The following TBX21 variants were observed in gnomAD, a reference collection of about 807,000 sequenced individuals.
The protein encoded by TBX21 is T-box transcription factor TBX21.
A neutral mutation model predicts 52.2 loss-of-function variants in TBX21; 11 were observed. That is an observed-to-expected ratio of 0.21 (90% CI 0.13 to 0.35). The LOEUF (loss-of-function observed/expected upper bound fraction) is 0.35, where lower values mean the gene tolerates loss of function less well. Among genes scored for constraint, TBX21 ranks in the 10% least tolerant of loss-of-function variants. The pLI is 1.00. For synonymous variants in TBX21, 300 were observed against 316.1 expected (o/e 0.95, Z 0.54); for missense variants, 625 against 755.1 (o/e 0.83, Z 2.02).
chr17:47,736,054 AG>A (rs2032203755), intron 1 of TBX21, among the ~76,000 whole-genome samples: 1 of 152,186 alleles, frequency 6.6e-6, no homozygotes, highest in Admixed American at 6.5e-5. Flanking sequence ...GAGGCACTTG[AG>A]GGGATGATTC....
intron 3 of TBX21, among the ~76,000 whole-genome samples, chr17:47,743,645 G>A (rs1453902057): frequency 6.6e-6 from 1 of 152,116 alleles, no homozygotes; most frequent in Non-Finnish European, 1.5e-5. Context: ...ACTTTGGGAG[G>A]CCAAGGCGGG....
Position 47,742,072 on chromosome 17 carries a change from CTTTT to C in TBX21, c.492-527_492-524del, listed in dbSNP as rs34123804. On this transcript the variant is annotated intron_variant, in intron 1 of 5. Coordinates refer to ENST00000177694, the MANE Select transcript of TBX21 (RefSeq NM_013351.2). The surrounding 1 kb of genome is among the most constrained non-coding windows in gnomAD (Gnocchi z 4.4). Reference sequence around the variant, plus strand: ...AGTGATGATTTTTTAGTTTTTACTCCTTTTTTTTTTTTTTGAGATGGAGACTTGC... The same window carrying C: ...AGTGATGATTTTTTAGTTTTTACTCCTTTTTTTTTTGAGATGGAGACTTGC... Among the ~76,000 whole-genome samples the C allele has an allele frequency of 1.0e-3, 144 of 143,638 alleles. 1 individual carries two copies. Among genetic ancestry groups the C allele is most frequent in the Middle Eastern group, 7.3e-3 (2 of 274 alleles). The allele number at this position is 143,638 out of a possible 152,430, so 94.2% of individuals were successfully genotyped here.
Position 47,733,966 on chromosome 17 carries a change from CT to C in TBX21, c.491+23del. 1 of 1,612,486 alleles carries C rather than the reference CT, an allele frequency of 6.2e-7. No individual in the cohort carries two copies. Among genetic ancestry groups the C allele is most frequent in the Non-Finnish European group, 8.5e-7 (1 of 1,179,350 alleles). On this transcript the variant is annotated intron_variant, in intron 1 of 5. Transcript: ENST00000177694. The surrounding 1 kb of genome is among the most constrained non-coding windows in gnomAD (Gnocchi z 6.6). ...GGACGGTGAGTGCGGCGCGCCGGCC[CT>C]TGGGGCCTCTGTGCCCGCGCCGGAA...
Position 47,733,709 on chromosome 17 carries a change from C to T in TBX21, c.255C>T (p.Gly85=). 1 of 1,418,650 alleles carries T rather than the reference C, an allele frequency of 7.0e-7. No individual in the cohort carries two copies. Among genetic ancestry groups the T allele is most frequent in the Non-Finnish European group, 9.2e-7 (1 of 1,086,862 alleles). 87.9% of individuals were successfully genotyped at this position (1,418,650 alleles called of 1,614,324 possible). Residue 85 remains glycine (G), a synonymous_variant, in exon 1 of 6, where the codon GGC becomes GGT. Transcript: ENST00000177694. This position sits in a 1 kb window ranked among gnomAD's most constrained non-coding sequence, Gnocchi z 6.6. ...ACCCGCCGCGACCCCAGGCGGCCGG[C>T]TTCCCCGGCGCGGGCGAGTCCTTCC... ...YAYPPRPQAA[G]FPGAGESFPP...
In TBX21 at chr17:47,743,209, A is replaced by C; in HGVS notation, c.768+17A>C. ...GTGACCCAGGTAGGACCTGCTCTTCAAAAGGTAGCCTCGCCCTGCTCCCCA... is the reference window on the plus strand; with the variant it reads ...GTGACCCAGGTAGGACCTGCTCTTCCAAAGGTAGCCTCGCCCTGCTCCCCA... On this transcript the variant is annotated intron_variant, in intron 3 of 5. Coordinates refer to ENST00000177694, the MANE Select transcript of TBX21 (RefSeq NM_013351.2). The C allele has an allele frequency of 6.2e-7, 1 of 1,613,506 alleles. No homozygotes were observed. Among genetic ancestry groups the C allele is most frequent in the Non-Finnish European group, 8.5e-7 (1 of 1,179,688 alleles).
At chr17:47,736,768 T>C (rs752014371) in intron 1 of TBX21, among the ~76,000 whole-genome samples, 1 of 152,114 alleles carries the variant, frequency 6.6e-6, no homozygotes, top group Non-Finnish European at 1.5e-5. Flanking sequence ...CAGCTTCCTT[T>C]CCGTCTTCCT....
chr17:47,733,645 T>C lies in TBX21; in HGVS notation c.191T>C (p.Val64Ala). The C allele has an allele frequency of 6.9e-7, 1 of 1,448,430 alleles. No individual in the cohort carries two copies. Among genetic ancestry groups the C allele is most frequent in the Non-Finnish European group, 9.1e-7 (1 of 1,104,822 alleles). 89.7% of individuals were successfully genotyped at this position (1,448,430 alleles called of 1,614,324 possible). A position where few individuals can be genotyped will look rare whatever the true frequency, so the allele number is the denominator to read the frequency against. Residue 64 changes from valine (V) to alanine (A), a missense_variant, in exon 1 of 6, where the codon GTG (valine) becomes GCG (alanine). Coordinates refer to ENST00000177694, the MANE Select transcript of TBX21 (RefSeq NM_013351.2). The surrounding 1 kb of genome is among the most constrained non-coding windows in gnomAD (Gnocchi z 6.6). ...TCTCCCTACCCGGGGGGCGCCTTGG[T>C]GCCCGCCCCGCCGAGCCGCTTCCTT... is the stretch of plus-strand genomic sequence containing the variant. ...LGSPYPGGAL[V>A]PAPPSRFLGA...
intron 3 of TBX21, 142 bp downstream of exon 3, chr17:47,743,334 T>C (rs2032289093): frequency 5.9e-6 from 7 of 1,191,458 alleles, no homozygotes; most frequent in Non-Finnish European, 5.8e-6. Flanking sequence ...TTTTCTTCTG[T>C]CCTAAACGAA....
chr17:47,742,806 A>C lies in TBX21; in HGVS notation c.646+42A>C. On this transcript the variant is annotated intron_variant, in intron 2 of 5. Coordinates refer to ENST00000177694, the MANE Select transcript of TBX21 (RefSeq NM_013351.2). This position sits in a 1 kb window ranked among gnomAD's most constrained non-coding sequence, Gnocchi z 4.4. ...GAGCGGTGGGCTCTGTTTCGCTGGG[A>C]CTGGGCGCCCCCTGGTGGGCCCACC... 1 of 1,528,102 alleles carries C rather than the reference A, an allele frequency of 6.5e-7. No homozygotes were observed. The highest frequency in any genetic ancestry group is 8.8e-7 in the Non-Finnish European group (1 of 1,135,060). The allele number at this position is 1,528,102 out of a possible 1,614,324, so 94.7% of individuals were successfully genotyped here. A position where few individuals can be genotyped will look rare whatever the true frequency, so the allele number is the denominator to read the frequency against.
chr17:47,739,032 C>T (rs1352272107), intron 1 of TBX21, among the ~76,000 whole-genome samples: 1 of 151,570 alleles, frequency 6.6e-6, no homozygotes, highest in East Asian at 2.0e-4. Flanking sequence ...AGAGGTATGA[C>T]GACCCTGTGA....
intron 1 of TBX21, among the ~76,000 whole-genome samples, chr17:47,739,521 G>A (rs780887637): frequency 3.3e-5 from 5 of 152,208 alleles, no homozygotes; most frequent in African/African-American, 4.8e-5. Context: ...CACTTTGGGA[G>A]GTCGAGGCCA....
Position 47,742,982 on chromosome 17 carries a change from T to C in TBX21, c.647-89T>C, listed in dbSNP as rs1467445902. The C allele has an allele frequency of 6.4e-7, 1 of 1,567,116 alleles. No homozygotes were observed. Among genetic ancestry groups the C allele is most frequent in the Non-Finnish European group, 8.6e-7 (1 of 1,158,928 alleles). ...CTGCCTGGTCCTCCCCCTGTGTCCT[T>C]CCTTACGTCCCTCTCGGGACAGGCA... On this transcript the variant is annotated intron_variant, in intron 2 of 5. Coordinates refer to ENST00000177694, the MANE Select transcript of TBX21 (RefSeq NM_013351.2). This position sits in a 1 kb window ranked among gnomAD's most constrained non-coding sequence, Gnocchi z 4.4.
rs1210537426 is a variant in TBX21, at chr17:47,733,803, C to A, written c.349C>A (p.Leu117Ile). 2 of 1,582,878 alleles carry A rather than the reference C, an allele frequency of 1.3e-6. No homozygotes were observed. The highest frequency in any genetic ancestry group is 1.3e-5 in the African/African-American group (1 of 74,102). The change falls in exon 1 of 6, where the codon CTC becomes ATC. Residue 117 changes from leucine (L) to isoleucine (I), a missense_variant. Physicochemically the swap from Leu to Ile is conservative, Grantham distance 5 (BLOSUM62 2). This residue lies in a region of TBX21 where 221 missense variants were observed against 204.9 expected (regional missense o/e 1.08). Transcript: ENST00000177694. The surrounding 1 kb of genome is among the most constrained non-coding windows in gnomAD (Gnocchi z 6.6). ...CGCCGCCCCGGACCCGCGCGCCGGG[C>A]TCTACCCGGGGCCGCGTGAGGACTA... Reference protein sequence around the residue: ...GYAAPDPRAGLYPGPREDYAL... With the variant: ...GYAAPDPRAGIYPGPREDYAL...
At chr17:47,737,822 C>T (rs1262499223) in intron 1 of TBX21, among the ~76,000 whole-genome samples, 4 of 151,986 alleles carry the variant, frequency 2.6e-5, no homozygotes, top group Admixed American at 6.6e-5. Flanking sequence ...GACGGGGTTT[C>T]GCCATGTTGG....
chr17:47,740,427 T>A lies in TBX21; in HGVS notation c.492-2183T>A, dbSNP rs565362831. On this transcript the variant is annotated intron_variant, in intron 1 of 5. Coordinates refer to ENST00000177694, the MANE Select transcript of TBX21 (RefSeq NM_013351.2). Reference sequence around the variant, plus strand: ...GATGGACAGGAGTTAGACTCTCCATTTACATGTGAAGAAACTGAGATTTGG... The same window carrying A: ...GATGGACAGGAGTTAGACTCTCCATATACATGTGAAGAAACTGAGATTTGG... 2.0e-5 allele frequency among the ~76,000 whole-genome samples: 3 copies of A among 151,952 alleles called. No individual in the cohort carries two copies. The South Asian group carries it at 6.2e-4, about 32-fold the overall frequency.
Position 47,745,596 on chromosome 17 carries a change from C to T in TBX21, c.*230C>T. ...CCCCTTGCCCCATCCTCTGCCCTAA[C>T]TACAGTCGTTTACCTGGTGCTGCGT... On this transcript the variant is annotated 3_prime_UTR_variant, in exon 6 of 6. Transcript: ENST00000177694. The T allele has an allele frequency of 2.0e-6, 1 of 509,522 alleles. No homozygotes were observed. Among genetic ancestry groups the T allele is most frequent in the East Asian group, 3.3e-5 (1 of 30,182 alleles). 31.6% of individuals were successfully genotyped at this position (509,522 alleles called of 1,614,324 possible).
chr17:47,742,828 C>T lies in TBX21; in HGVS notation c.646+64C>T. ...GGGACTGGGCGCCCCCTGGTGGGCCCACCAAGCCCCTACCCCTAATTCCTA... is the reference window on the plus strand; with the variant it reads ...GGGACTGGGCGCCCCCTGGTGGGCCTACCAAGCCCCTACCCCTAATTCCTA... On this transcript the variant is annotated intron_variant, in intron 2 of 5. Transcript: ENST00000177694. This position sits in a 1 kb window ranked among gnomAD's most constrained non-coding sequence, Gnocchi z 4.4. The T allele has an allele frequency of 1.3e-6, 2 of 1,507,094 alleles. No homozygotes were observed. The highest frequency in any genetic ancestry group is 8.9e-7 in the Non-Finnish European group (1 of 1,126,380). 93.4% of individuals were successfully genotyped at this position (1,507,094 alleles called of 1,614,324 possible). A position where few individuals can be genotyped will look rare whatever the true frequency, so the allele number is the denominator to read the frequency against.
At position 47,733,783 on chromosome 17, in the gene TBX21, C is replaced by T. The variant is rs765937340; in HGVS notation, c.329C>T (p.Ala110Val). ...TACCAGCCGGGCGAGGGCTACGCCG[C>T]CCCGGACCCGCGCGCCGGGCTCTAC... ...EGYQPGEGYA[A>V]PDPRAGLYPG... Residue 110 changes from alanine to valine, a missense_variant, in exon 1 of 6, where the codon GCC becomes GTC. Coordinates refer to ENST00000177694, the MANE Select transcript of TBX21 (RefSeq NM_013351.2). The surrounding 1 kb of genome is among the most constrained non-coding windows in gnomAD (Gnocchi z 6.6). The T allele has an allele frequency of 1.5e-5, 23 of 1,553,610 alleles. No individual in the cohort carries two copies. In the Admixed American group the frequency reaches 3.8e-4, roughly 25 times the overall value.
chr17:47,736,273 C>T (rs1049824383), intron 1 of TBX21, among the ~76,000 whole-genome samples: 1 of 152,078 alleles, frequency 6.6e-6, no homozygotes, highest in African/African-American at 2.4e-5. Flanking sequence ...AATATGGGTC[C>T]AATCTTGTTT....
Sources: gnomAD v4.1 joint callset for allele counts (sites outside exome capture counted in the v4.1 genomes callset) on GRCh38, gnomAD v4.1.1 for gene constraint, gnomAD v4.1.1 regional missense constraint, Gnocchi (gnomAD v3.1) non-coding constraint, MANE v1.5 for transcripts, NCBI Gene and HGNC (gene_info 2026-07-23, HGNC 2026-07-21) for gene names.